The following PCDHGB3 variants were observed in gnomAD, a reference collection of about 807,000 sequenced individuals.
PCDHGB3 encodes protocadherin gamma-B3.
In PCDHGB3, 40 loss-of-function variants were observed where a neutral mutation model predicts 59.2. The observed-to-expected ratio is 0.68, with a 90% CI of 0.52 to 0.88. PCDHGB3 has a LOEUF of 0.88. PCDHGB3 is among the 40% of genes least tolerant of loss of function. The probability of loss-of-function intolerance (pLI) is 0.00; values close to 1 mark genes in which losing one functional copy is unlikely to be tolerated. For missense variants in PCDHGB3, 1,309 were observed against 1,187.9 expected, an observed-to-expected ratio of 1.10 and a Z score of -1.50; for synonymous variants, 581 against 503.6, an observed-to-expected ratio of 1.15 and a Z score of -2.06.
chr5:141,424,134 A>G (rs1255504512), intron 1 of PCDHGB3: 7 of 444,220 alleles, frequency 1.6e-5, no homozygotes, highest in Non-Finnish European at 2.2e-5. Context: ...TTGATTTAAT[A>G]GCATGCTCCC....
intron 1 of PCDHGB3, among the ~76,000 whole-genome samples, chr5:141,455,291 A>G (rs1212745731): frequency 6.6e-6 from 1 of 152,072 alleles, no homozygotes; most frequent in Non-Finnish European, 1.5e-5. Flanking sequence ...CACTTTACAT[A>G]GTTTCATCTT....
Position 141,451,147 on chromosome 5 carries a change from A to G in PCDHGB3, c.2416-43660A>G, listed in dbSNP as rs2098708727. ...CCAGCCTTATGATTGTATTTAGACT[A>G]GACATTTTTTTGGTAGTATATTATT... On this transcript the variant is annotated intron_variant, in intron 1 of 3. Coordinates refer to ENST00000576222, the MANE Select transcript of PCDHGB3 (RefSeq NM_018924.5). Among the ~76,000 whole-genome samples, 3 of 152,250 alleles carry G rather than the reference A, an allele frequency of 2.0e-5. No homozygotes were observed. In the South Asian group the frequency reaches 6.2e-4, roughly 32 times the overall value.
rs1340590903 is a variant in PCDHGB3, at chr5:141,432,842, G to A, written c.2415+60033G>A. On this transcript the variant is annotated intron_variant, in intron 1 of 3. Coordinates refer to ENST00000576222, the MANE Select transcript of PCDHGB3 (RefSeq NM_018924.5). This position sits in a 1 kb window ranked among gnomAD's most constrained non-coding sequence, Gnocchi z 6.0. ...CTCAGACCTCACTCTGTACCTGGTG[G>A]TAGCGGTGGCCGCGGTCTCCTGCGT... 5 of 1,614,192 alleles carry A rather than the reference G, an allele frequency of 3.1e-6. No individual in the cohort carries two copies. The South Asian group carries it at 4.4e-5, about 14-fold the overall frequency.
In PCDHGB3 at chr5:141,430,181, T is replaced by A. The variant is rs561671481; in HGVS notation, c.2415+57372T>A. ...TCTATTTAAAAATATTTTCCCCAAA[T>A]TATAGCTGAATCAGAAAGTTTAAAT... On this transcript the variant is annotated intron_variant, in intron 1 of 3. Transcript: ENST00000576222. 2.0e-5 allele frequency among the ~76,000 whole-genome samples: 3 copies of A among 152,252 alleles called. No homozygotes were observed. The South Asian group carries it at 6.2e-4, about 32-fold the overall frequency.
At chr5:141,413,056 T>A in intron 1 of PCDHGB3, 1 of 1,030,200 alleles carries the variant, frequency 9.7e-7, no homozygotes, top group East Asian at 2.6e-5. Flanking sequence ...GGAAGCTCAC[T>A]CCAGAATTTA....
intron 1 of PCDHGB3, among the ~76,000 whole-genome samples, chr5:141,425,059 G>A (rs1056925377): frequency 3.3e-5 from 5 of 152,110 alleles, no homozygotes; most frequent in Non-Finnish European, 7.4e-5. Flanking sequence ...CTAGGGCTCG[G>A]ACAAAAATAA....
In PCDHGB3 at chr5:141,371,832, G is replaced by C. The variant is rs765040359; in HGVS notation, c.1438G>C (p.Asp480His). 1 of 1,613,780 alleles carries C rather than the reference G, an allele frequency of 6.2e-7. No homozygotes were observed. ...TGCGCATGTCAGAGCCTCGGATCCC[G>C]ACTTGGGACCTAATGGCCTTGTCTC... is the stretch of plus-strand genomic sequence containing the variant. ...SIAHVRASDP[D>H]LGPNGLVSYY... Residue 480 changes from aspartate (D) to histidine (H), a missense_variant, in exon 1 of 4, where the codon GAC (aspartate) becomes CAC (histidine). Coordinates refer to ENST00000576222, the MANE Select transcript of PCDHGB3 (RefSeq NM_018924.5).
intron 3 of PCDHGB3, among the ~76,000 whole-genome samples, chr5:141,508,930 T>A (rs2099873149): frequency 6.6e-6 from 1 of 151,836 alleles, no homozygotes; most frequent in African/African-American, 2.4e-5. Context: ...CTTTTGGAGT[T>A]AATTAGGGAA....
chr5:141,408,660 C>A, intron 1 of PCDHGB3: 3 of 1,613,980 alleles, frequency 1.9e-6, no homozygotes, highest in Non-Finnish European at 1.7e-6. Flanking sequence ...ACACGACTAT[C>A]GCTTGACCCT....
chr5:141,477,087 C>A lies in PCDHGB3; in HGVS notation c.2416-17720C>A, dbSNP rs748424193. 14 of 1,614,244 alleles carry A rather than the reference C, an allele frequency of 8.7e-6. No individual in the cohort carries two copies. Among genetic ancestry groups the A allele is most frequent in the Non-Finnish European group, 8.5e-7 (1 of 1,180,048 alleles). On this transcript the variant is annotated intron_variant, in intron 1 of 3. Transcript: ENST00000576222. This position sits in a 1 kb window ranked among gnomAD's most constrained non-coding sequence, Gnocchi z 4.9. ...AAACTCCATGAGATTTACATCCAGG[C>A]CAAAGACAAGGGCGCCAATCCCGAA...
intron 1 of PCDHGB3, among the ~76,000 whole-genome samples, chr5:141,445,489 G>A (rs934531418): frequency 7.2e-5 from 11 of 152,188 alleles, no homozygotes; most frequent in Non-Finnish European, 1.3e-4. Context: ...GAGTTAATGG[G>A]CCCTATTCTA....
chr5:141,493,440 G>A lies in PCDHGB3; in HGVS notation c.2416-1367G>A, dbSNP rs2099748297. The stretch of plus-strand genomic sequence containing the variant: ...TTTTGCTTCTGCTGGGATGGGGCAA[G>A]GGTGGGGTTCCTTCCCTTTTAGGAC... On this transcript the variant is annotated intron_variant, in intron 1 of 3. Coordinates refer to ENST00000576222, the MANE Select transcript of PCDHGB3 (RefSeq NM_018924.5). The surrounding 1 kb of genome is among the most constrained non-coding windows in gnomAD (Gnocchi z 4.3). Among the ~76,000 whole-genome samples, 1 of 152,208 alleles carries A rather than the reference G, an allele frequency of 6.6e-6. No homozygotes were observed. Among genetic ancestry groups the A allele is most frequent in the African/African-American group, 2.4e-5 (1 of 41,450 alleles).
At chr5:141,413,804 C>G in intron 1 of PCDHGB3, 1 of 1,613,194 alleles carries the variant, frequency 6.2e-7, no homozygotes, top group Non-Finnish European at 8.5e-7. Context: ...GAGGAAGAGG[C>G]CATTCACCAC....
intron 1 of PCDHGB3, among the ~76,000 whole-genome samples, chr5:141,474,705 A>C (rs114026580): frequency 0.01 from 1,561 of 152,324 alleles, 35 homozygotes; most frequent in African/African-American, 0.035. Context: ...TCAAGGTTCT[A>C]TTATACTTCA....
At chr5:141,410,196 C>T (rs773310778) in intron 1 of PCDHGB3, 3 of 1,613,984 alleles carry the variant, frequency 1.9e-6, no homozygotes, top group East Asian at 4.5e-5. Context: ...CTGGTCTTCG[C>T]AGACAACTTG....
chr5:141,421,265 T>G (rs2154549151), intron 1 of PCDHGB3: 1 of 1,596,914 alleles, frequency 6.3e-7, no homozygotes, highest in Non-Finnish European at 8.5e-7. Flanking sequence ...CGCAGTCGGC[T>G]GCTGCTGCTG....
rs766861746 is a variant in PCDHGB3, at chr5:141,372,224, G to C, written c.1830G>C (p.Gln610His). 25 of 1,613,414 alleles carry C rather than the reference G, an allele frequency of 1.5e-5. No individual in the cohort carries two copies. Among genetic ancestry groups the C allele is most frequent in the Non-Finnish European group, 2.0e-5 (24 of 1,179,904 alleles). ...YNAWLSYHIV[Q>H]ASEPGLFSLG... ...CCTGGCTGTCCTACCACATTGTGCAGGCCAGCGAGCCCGGGCTGTTCAGCC... is the reference window on the plus strand; with the variant it reads ...CCTGGCTGTCCTACCACATTGTGCACGCCAGCGAGCCCGGGCTGTTCAGCC... The change falls in exon 1 of 4, where the codon CAG becomes CAC. Residue 610 changes from glutamine to histidine, a missense_variant. Physicochemically the swap from Gln to His is conservative, Grantham distance 24 (BLOSUM62 0). Coordinates refer to ENST00000576222, the MANE Select transcript of PCDHGB3 (RefSeq NM_018924.5).
intron 3 of PCDHGB3, among the ~76,000 whole-genome samples, chr5:141,509,420 G>A (rs1384424118): frequency 6.6e-6 from 1 of 152,128 alleles, no homozygotes; most frequent in East Asian, 1.9e-4. Context: ...GAGCCCCAAT[G>A]AGTCAAACTC....
At chr5:141,374,137 G>T (rs1479377011) in intron 1 of PCDHGB3, 11 of 1,606,212 alleles carry the variant, frequency 6.8e-6, no homozygotes, top group African/African-American at 1.3e-5. Flanking sequence ...TGCTCCTCAC[G>T]CTCCTGGGGA....
Sources: allele counts gnomAD v4.1 joint callset (sites outside exome capture counted in the v4.1 genomes callset), GRCh38; gene constraint gnomAD v4.1.1; non-coding constraint Gnocchi (gnomAD v3.1); transcripts MANE v1.5; gene names NCBI Gene and HGNC (gene_info 2026-07-23, HGNC 2026-07-21).